Variants in PPP1R12A observed in about 807,000 individuals in gnomAD.
PPP1R12A encodes the protein myosin binding subunit.
PPP1R12A carries 19 observed loss-of-function variants against 139.6 expected under a neutral mutation model. The observed-to-expected ratio is 0.14, with a 90% CI of 0.09 to 0.20. The LOEUF is 0.20. PPP1R12A is among the 10% of genes least tolerant of loss of function. The pLI, the probability that PPP1R12A is intolerant of heterozygous loss-of-function variation, is 1.00. For synonymous variants in PPP1R12A, 427 were observed against 420.6 expected, an observed-to-expected ratio of 1.02 and a Z score of -0.19; for missense variants, 925 against 1,211.5, an observed-to-expected ratio of 0.76 and a Z score of 3.51.
intron 3 of PPP1R12A, among the ~76,000 whole-genome samples, chr12:79,844,570 T>C (rs1308727399): frequency 6.6e-6 from 1 of 152,220 alleles, no homozygotes; most frequent in East Asian, 1.9e-4. Flanking sequence ...ATTATGTCAG[T>C]TATTTCCTAA....
At chr12:79,828,067 AT>A (rs1877007334) in intron 5 of PPP1R12A, 2 of 253,180 alleles carry the variant, frequency 7.9e-6, no homozygotes, top group South Asian at 2.7e-4. Flanking sequence ...CTCTACATGT[AT>A]GGCAATCTGA....
intron 1 of PPP1R12A, among the ~76,000 whole-genome samples, chr12:79,903,743 T>G (rs543374313): frequency 6.6e-6 from 1 of 152,310 alleles, no homozygotes; most frequent in East Asian, 1.9e-4. Flanking sequence ...TCTATTTTGC[T>G]TATTACAATT....
intron 6 of PPP1R12A, among the ~76,000 whole-genome samples, chr12:79,821,752 A>C (rs77777345): frequency 7.9e-6 from 1 of 126,428 alleles, no homozygotes; most frequent in Admixed American, 7.6e-5. Context: ...CCCCATCTCC[A>C]AAAAAAAAAA....
chr12:79,898,956 A>G (rs1885377354), intron 1 of PPP1R12A, among the ~76,000 whole-genome samples: 1 of 152,156 alleles, frequency 6.6e-6, no homozygotes, highest in Non-Finnish European at 1.5e-5. Context: ...GAAAATGTGC[A>G]AACATATAGC....
Position 79,913,408 on chromosome 12 carries a change from T to C in PPP1R12A, c.237+21287A>G, listed in dbSNP as rs892940362. Among the ~76,000 whole-genome samples the C allele has an allele frequency of 7.2e-5, 11 of 152,344 alleles. No individual in the cohort carries two copies. The East Asian group carries it at 7.7e-4, about 11-fold the overall frequency. ...GTACGGGGGAGATGAAGATGAACTT[T>C]TTCCCCATATAGACAGGTTGACAAG... On this transcript the variant is annotated intron_variant, in intron 1 of 24. Coordinates refer to ENST00000450142, the MANE Select transcript of PPP1R12A (RefSeq NM_002480.3).
intron 23 of PPP1R12A, among the ~76,000 whole-genome samples, chr12:79,781,506 G>A (rs905254549): frequency 1.3e-5 from 2 of 151,862 alleles, no homozygotes; most frequent in African/African-American, 4.8e-5. Context: ...AGAGATAAAC[G>A]GCATTTCAAA....
At chr12:79,825,089 G>T (rs937199617) in intron 5 of PPP1R12A, 3 of 152,064 alleles carry the variant, frequency 2.0e-5, no homozygotes, top group African/African-American at 7.2e-5. Flanking sequence ...TGCGTGCATG[G>T]TATTTGCCCA....
intron 14 of PPP1R12A, among the ~76,000 whole-genome samples, chr12:79,800,637 T>C (rs1873004211): frequency 6.6e-6 from 1 of 152,052 alleles, no homozygotes; most frequent in African/African-American, 2.4e-5. Flanking sequence ...TGTATCTCTA[T>C]CTTCTATGCT....
chr12:79,822,004 G>T, intron 6 of PPP1R12A, 112 bp downstream of exon 6: 1 of 703,068 alleles, frequency 1.4e-6, no homozygotes, highest in Non-Finnish European at 2.3e-6. Context: ...TGAAACTTAA[G>T]GATAACTTAA....
chr12:79,799,467 G>C (rs1872849021), intron 14 of PPP1R12A, among the ~76,000 whole-genome samples: 1 of 152,120 alleles, frequency 6.6e-6, no homozygotes, highest in Non-Finnish European at 1.5e-5. Flanking sequence ...ATTCTTGTCA[G>C]TGTGCTCTTA....
intron 3 of PPP1R12A, among the ~76,000 whole-genome samples, chr12:79,835,425 C>A (rs1460650241): frequency 6.6e-6 from 1 of 152,122 alleles, no homozygotes; most frequent in African/African-American, 2.4e-5. Context: ...TTCCGTATAT[C>A]CTACAGGTTC....
chr12:79,900,483 C>T (rs745657814), intron 1 of PPP1R12A, among the ~76,000 whole-genome samples: 5 of 152,168 alleles, frequency 3.3e-5, no homozygotes, highest in Admixed American at 6.5e-5. Flanking sequence ...ATACACATTT[C>T]CGTAAATGTG....
intron 3 of PPP1R12A, among the ~76,000 whole-genome samples, chr12:79,843,450 C>T (rs911830545): frequency 4.6e-5 from 7 of 151,278 alleles, no homozygotes; most frequent in Admixed American, 6.6e-5. Flanking sequence ...CGGTGGCAGG[C>T]GCCTGTAATC....
intron 1 of PPP1R12A, among the ~76,000 whole-genome samples, chr12:79,904,830 T>G (rs936807601): frequency 6.6e-6 from 1 of 152,212 alleles, no homozygotes; most frequent in African/African-American, 2.4e-5. Context: ...AGTGAAGGTG[T>G]GTGTGGTGTA....
chr12:79,934,645 G>A, intron 1 of PPP1R12A, 50 bp downstream of exon 1: 1 of 1,459,192 alleles, frequency 6.9e-7, no homozygotes. Flanking sequence ...CGAGCAGGAG[G>A]CCGACGAGAA....
intron 2 of PPP1R12A, among the ~76,000 whole-genome samples, chr12:79,869,548 TGA>T (rs780364402): frequency 3.3e-5 from 5 of 152,184 alleles, no homozygotes; most frequent in Non-Finnish European, 5.9e-5. Flanking sequence ...AACTGCATCT[TGA>T]GAGTCTGGTA....
At chr12:79,934,647 C>G (rs1186480534) in intron 1 of PPP1R12A, 48 bp downstream of exon 1, 11 of 1,464,592 alleles carry the variant, frequency 7.5e-6, no homozygotes, top group South Asian at 1.3e-5. Flanking sequence ...AGCAGGAGGC[C>G]GACGAGAACC....
At chr12:79,898,842 A>C (rs1885367602) in intron 1 of PPP1R12A, among the ~76,000 whole-genome samples, 1 of 152,154 alleles carries the variant, frequency 6.6e-6, no homozygotes, top group South Asian at 2.1e-4. Flanking sequence ...AATCTTTTCC[A>C]TCCTTCTACA....
intron 20 of PPP1R12A, chr12:79,789,678 G>A (rs1208042461): frequency 8.8e-6 from 4 of 452,934 alleles, no homozygotes; most frequent in African/African-American, 8.0e-5. Flanking sequence ...TGGTCTTACA[G>A]GGCTGTGGTT....
Sources: gnomAD v4.1 joint callset for allele counts (sites outside exome capture counted in the v4.1 genomes callset) on GRCh38, gnomAD v4.1.1 for gene constraint, MANE v1.5 for transcripts, NCBI Gene and HGNC (gene_info 2026-07-23, HGNC 2026-07-21) for gene names.